Variants in OXSR1 observed in about 807,000 individuals in gnomAD.
The protein encoded by OXSR1 is oxidative stress responsive kinase 1, also known as serine/threonine-protein kinase OSR1.
In OXSR1, 24 loss-of-function variants were observed where a neutral mutation model predicts 79.8. That is an observed-to-expected ratio of 0.30 (90% CI 0.22 to 0.42). The LOEUF is 0.42. OXSR1 is among the 10% of genes least tolerant of loss of function. The pLI is 1.00. For missense variants in OXSR1, 430 were observed against 618.4 expected, an observed-to-expected ratio of 0.70 and a Z score of 3.23; for synonymous variants, 226 against 209.2, an observed-to-expected ratio of 1.08 and a Z score of -0.69.
At chr3:38,229,580 T>G in intron 8 of OXSR1, 107 bp from the exon 9 acceptor site, 1 of 835,662 alleles carries the variant, frequency 1.2e-6, no homozygotes, top group Non-Finnish European at 2.0e-6. Flanking sequence ...TATACTGAGT[T>G]TTTATTTTGC....
At chr3:38,230,656 T>C (rs1702786254) in intron 10 of OXSR1, 3 of 420,266 alleles carry the variant, frequency 7.1e-6, no homozygotes, top group East Asian at 4.5e-5. Context: ...TAGACAGTAA[T>C]TGGTAAATTA....
chr3:38,206,617 C>T (rs1427652670), intron 4 of OXSR1, among the ~76,000 whole-genome samples: 8 of 151,656 alleles, frequency 5.3e-5, no homozygotes, highest in Non-Finnish European at 1.0e-4. Flanking sequence ...AAAGAAGATA[C>T]TTTCATCGGT....
chr3:38,227,268 T>C (rs77225637), intron 8 of OXSR1, among the ~76,000 whole-genome samples: 5,101 of 152,282 alleles, frequency 0.033, 94 homozygotes, highest in Middle Eastern at 0.13. Context: ...AGTAATCCTT[T>C]GAGGATAGCA....
At chr3:38,216,245 C>A in intron 5 of OXSR1, 94 bp downstream of exon 5, 2 of 783,356 alleles carry the variant, frequency 2.6e-6, no homozygotes, top group South Asian at 1.8e-5. Flanking sequence ...CTCTCCTGTT[C>A]CCTGGACCAT....
At chr3:38,239,933 C>T (rs1228398719) in intron 11 of OXSR1, among the ~76,000 whole-genome samples, 2 of 152,168 alleles carry the variant, frequency 1.3e-5, no homozygotes, top group Non-Finnish European at 2.9e-5. Flanking sequence ...TTCCAGGAAT[C>T]ACTGTTTTTC....
chr3:38,165,840 C>T lies in OXSR1; in HGVS notation c.-37C>T. 2.5e-6 allele frequency: 4 copies of T among 1,580,428 alleles called. No individual in the cohort carries two copies. The South Asian group carries it at 3.4e-5, about 13-fold the overall frequency. On this transcript the variant is annotated 5_prime_UTR_variant, in exon 1 of 18. Transcript: ENST00000311806. The stretch of plus-strand genomic sequence containing the variant: ...GCGGCGAGGAGACGAGCGAGGTCAG[C>T]GAGTTTGAGGGAGGACCGCGAGCCG...
rs1457731295 is a variant in OXSR1, at chr3:38,252,900, C to T, written c.*9C>T. 1.3e-5 allele frequency: 21 copies of T among 1,611,400 alleles called. No homozygotes were observed. In the East Asian group the frequency reaches 4.2e-4, roughly 33 times the overall value. On this transcript the variant is annotated 3_prime_UTR_variant, in exon 18 of 18. Coordinates refer to ENST00000311806, the MANE Select transcript of OXSR1 (RefSeq NM_005109.3). ...AGCTCAGCATCAGCTAAACCACAAC[C>T]CTGGAAGAGGCGGCCTAAGGAGATT...
intron 11 of OXSR1, among the ~76,000 whole-genome samples, chr3:38,240,484 A>G (rs1703009166): frequency 6.6e-6 from 1 of 152,082 alleles, no homozygotes; most frequent in Admixed American, 6.6e-5. Context: ...GTGTGTCTGT[A>G]CTTGCATATA....
At chr3:38,174,171 T>C (rs1043820346) in intron 1 of OXSR1, among the ~76,000 whole-genome samples, 3 of 152,208 alleles carry the variant, frequency 2.0e-5, no homozygotes, top group Admixed American at 2.0e-4. Context: ...GTATGGATGC[T>C]TGGTCCTGAT....
chr3:38,205,631 G>A (rs1430255352), intron 4 of OXSR1, among the ~76,000 whole-genome samples: 2 of 152,194 alleles, frequency 1.3e-5, no homozygotes, highest in Admixed American at 1.3e-4. Context: ...CCTTCAGAAT[G>A]TCACTTTAGT....
intron 1 of OXSR1, among the ~76,000 whole-genome samples, chr3:38,182,189 A>T (rs980898538): frequency 6.6e-6 from 1 of 151,452 alleles, no homozygotes; most frequent in Non-Finnish European, 1.5e-5. Flanking sequence ...CACCTCTAGA[A>T]CTCCCGTTCT....
At chr3:38,173,436 CCTAA>C (rs1188884516) in intron 1 of OXSR1, among the ~76,000 whole-genome samples, 1 of 152,144 alleles carries the variant, frequency 6.6e-6, no homozygotes, top group Non-Finnish European at 1.5e-5. Flanking sequence ...CCCTACTCTG[CCTAA>C]CTAACTGTAT....
At chr3:38,184,842 C>CTGCTTAGT (rs1193379576) in intron 2 of OXSR1, among the ~76,000 whole-genome samples, 1 of 118,804 alleles carries the variant, frequency 8.4e-6, no homozygotes, top group African/African-American at 3.1e-5. Flanking sequence ...CTATTATTGT[C>CTGCTTAGT]TGCTTAGTAT....
intron 11 of OXSR1, among the ~76,000 whole-genome samples, chr3:38,238,070 A>G (rs2125847915): frequency 6.6e-6 from 1 of 152,242 alleles, no homozygotes; most frequent in South Asian, 2.1e-4. Context: ...CTAGCTATCT[A>G]TAGATAAATT....
chr3:38,222,331 T>C (rs1480705886), intron 6 of OXSR1, among the ~76,000 whole-genome samples: 1 of 152,078 alleles, frequency 6.6e-6, no homozygotes. Flanking sequence ...GAGACAGGCT[T>C]TGTAGTACCA....
At chr3:38,164,831 C>T (rs969939541), upstream of OXSR1, among the ~76,000 whole-genome samples, 3 of 152,156 alleles carry the variant, frequency 2.0e-5, no homozygotes, top group African/African-American at 7.2e-5. Context: ...CGAGAGACAG[C>T]GCCGCGACAA....
chr3:38,230,650 CA>C, intron 10 of OXSR1: 1 of 439,232 alleles, frequency 2.3e-6, no homozygotes, highest in Non-Finnish European at 4.2e-6. Flanking sequence ...GGATGCTAGA[CA>C]GTAATTGGTA....
chr3:38,185,680 C>T (rs36084054), intron 2 of OXSR1, among the ~76,000 whole-genome samples: 51 of 152,032 alleles, frequency 3.4e-4, no homozygotes, highest in African/African-American at 1.2e-3. Context: ...TGGTTGCTCA[C>T]GCCTGTAATC....
intron 4 of OXSR1, among the ~76,000 whole-genome samples, chr3:38,199,791 C>T (rs1275405185): frequency 1.3e-5 from 2 of 152,004 alleles, no homozygotes; most frequent in African/African-American, 2.4e-5. Flanking sequence ...TTCCTTGGGC[C>T]GGTTGCTGCC....
Sources: gnomAD v4.1 joint callset for allele counts (sites outside exome capture counted in the v4.1 genomes callset) on GRCh38, gnomAD v4.1.1 for gene constraint, MANE v1.5 for transcripts, NCBI Gene and HGNC (gene_info 2026-07-23, HGNC 2026-07-21) for gene names.